PSD3: variants seen among roughly 807,000 people sequenced by gnomAD.
PSD3 encodes the protein PH and SEC7 domain-containing protein 3.
A neutral mutation model predicts 105.5 loss-of-function variants in PSD3; 49 were observed. That is an observed-to-expected ratio of 0.46 (90% CI 0.37 to 0.59). PSD3 has a LOEUF of 0.59. Among genes scored for constraint, PSD3 ranks in the 20% least tolerant of loss-of-function variants. PSD3 has a pLI of 0.00. For synonymous variants in PSD3, 557 were observed against 457.8 expected, an observed-to-expected ratio of 1.22 and a Z score of -2.77; for missense variants, 1,561 against 1,263.8, an observed-to-expected ratio of 1.24 and a Z score of -3.57.
chr8:18,567,568 AT>A (rs1252574075), intron 14 of PSD3, among the ~76,000 whole-genome samples: 1 of 152,210 alleles, frequency 6.6e-6, no homozygotes, highest in Non-Finnish European at 1.5e-5. Flanking sequence ...AGTAATAGTA[AT>A]GCTTACAAGT....
At chr8:18,614,891 C>T (rs1298227571) in intron 11 of PSD3, among the ~76,000 whole-genome samples, 3 of 151,976 alleles carry the variant, frequency 2.0e-5, no homozygotes, top group Non-Finnish European at 2.9e-5. Flanking sequence ...CTGCCTCAGC[C>T]TCCCTAAGTG....
At chr8:18,809,602 C>A (rs2129448197) in intron 4 of PSD3, among the ~76,000 whole-genome samples, 1 of 152,284 alleles carries the variant, frequency 6.6e-6, no homozygotes, top group East Asian at 1.9e-4. Flanking sequence ...CATCGTTTTT[C>A]TGAAATTCAA....
At chr8:18,943,331 G>A (rs1343062302) in intron 1 of PSD3, among the ~76,000 whole-genome samples, 1 of 152,178 alleles carries the variant, frequency 6.6e-6, no homozygotes, top group African/African-American at 2.4e-5. Context: ...TTATTTCTGG[G>A]TAAGATGGCA....
chr8:19,057,524 T>C (rs1274568102), intron 1 of PSD3, among the ~76,000 whole-genome samples: 1 of 152,212 alleles, frequency 6.6e-6, no homozygotes, highest in Admixed American at 6.5e-5. Flanking sequence ...ATACCAGTTG[T>C]TAAATATTGA....
intron 8 of PSD3, among the ~76,000 whole-genome samples, chr8:18,789,445 A>G (rs1459779251): frequency 6.6e-6 from 1 of 152,158 alleles, no homozygotes; most frequent in Non-Finnish European, 1.5e-5. Flanking sequence ...TAAATGTGTT[A>G]TTCACTTAAT....
intron 15 of PSD3, among the ~76,000 whole-genome samples, chr8:18,552,450 T>C (rs563580105): frequency 1.3e-5 from 2 of 152,274 alleles, no homozygotes; most frequent in East Asian, 1.9e-4. Context: ...GCCAACTGCA[T>C]TGCTGTCAAG....
chr8:19,000,490 A>G (rs1403820967), intron 1 of PSD3: 8 of 144,260 alleles, frequency 5.5e-5, no homozygotes, highest in Admixed American at 2.9e-4. Flanking sequence ...CGGTGAACAC[A>G]GCCTAAGCCT....
intron 8 of PSD3, among the ~76,000 whole-genome samples, chr8:18,770,846 TGGG>T (rs2129444281): frequency 6.6e-6 from 1 of 152,292 alleles, no homozygotes; most frequent in Admixed American, 6.5e-5. Flanking sequence ...CAACCACACT[TGGG>T]GCACCTGAGC....
chr8:18,830,629 G>T (rs1432333465), intron 4 of PSD3, among the ~76,000 whole-genome samples: 1 of 152,128 alleles, frequency 6.6e-6, no homozygotes, highest in South Asian at 2.1e-4. Flanking sequence ...GTTGGCTTTT[G>T]GGCAAACTTT....
intron 1 of PSD3, among the ~76,000 whole-genome samples, chr8:19,072,203 G>C (rs924334763): frequency 6.6e-6 from 1 of 151,678 alleles, no homozygotes; most frequent in African/African-American, 2.4e-5. Context: ...CTGGGTTCAA[G>C]CAATTCTCCT....
At chr8:18,584,388 C>G (rs1803013850) in intron 12 of PSD3, among the ~76,000 whole-genome samples, 1 of 152,194 alleles carries the variant, frequency 6.6e-6, no homozygotes, top group Non-Finnish European at 1.5e-5. Context: ...AATTACAAGG[C>G]TCTCACACTA....
intron 12 of PSD3, among the ~76,000 whole-genome samples, chr8:18,589,627 G>T (rs551792295): frequency 6.6e-6 from 1 of 152,332 alleles, no homozygotes; most frequent in South Asian, 2.1e-4. Context: ...CTGGTAATAT[G>T]TAAAATGTTA....
intron 11 of PSD3, among the ~76,000 whole-genome samples, chr8:18,622,590 AGTAAG>A (rs897798678): frequency 1.2e-4 from 19 of 152,186 alleles, no homozygotes; most frequent in Admixed American, 3.9e-4. Flanking sequence ...CCCCAGCTTT[AGTAAG>A]GTGTTATTGA....
At chr8:18,593,304 G>C (rs1043164426) in intron 12 of PSD3, among the ~76,000 whole-genome samples, 1 of 152,186 alleles carries the variant, frequency 6.6e-6, no homozygotes, top group Non-Finnish European at 1.5e-5. Context: ...CCATCAAAGA[G>C]TGGGTGAAGG....
chr8:18,911,316 G>A (rs139411003), intron 2 of PSD3, among the ~76,000 whole-genome samples: 43 of 152,294 alleles, frequency 2.8e-4, no homozygotes, highest in African/African-American at 9.6e-4. Context: ...AAAGCCAGAA[G>A]TATAGCCTAC....
At chr8:18,654,421 G>A (rs1265495991) in intron 10 of PSD3, among the ~76,000 whole-genome samples, 1 of 151,876 alleles carries the variant, frequency 6.6e-6, no homozygotes, top group African/African-American at 2.4e-5. Context: ...TGAATACTTA[G>A]TAAAAATAAA....
intron 10 of PSD3, among the ~76,000 whole-genome samples, chr8:18,651,626 C>T (rs1808487168): frequency 6.6e-6 from 1 of 152,192 alleles, no homozygotes; most frequent in South Asian, 2.1e-4. Flanking sequence ...TCTAATGGCA[C>T]ATTACTACAA....
At chr8:18,776,540 G>C (rs1007396125) in intron 8 of PSD3, among the ~76,000 whole-genome samples, 4 of 151,736 alleles carry the variant, frequency 2.6e-5, no homozygotes, top group African/African-American at 9.7e-5. Context: ...ACCACACCTG[G>C]CTACTTTTTC....
At chr8:18,875,267 T>C (rs1014654557) in intron 2 of PSD3, among the ~76,000 whole-genome samples, 8 of 152,124 alleles carry the variant, frequency 5.3e-5, no homozygotes, top group African/African-American at 1.9e-4. Context: ...AACAAGCACT[T>C]CTCTGGGATA....
Sources: gnomAD v4.1 joint callset for allele counts (sites outside exome capture counted in the v4.1 genomes callset) on GRCh38, gnomAD v4.1.1 for gene constraint, MANE v1.5 for transcripts, NCBI Gene and HGNC (gene_info 2026-07-23, HGNC 2026-07-21) for gene names.